Variants in LRRC4C observed in about 807,000 individuals in gnomAD.
LRRC4C encodes leucine-rich repeat-containing protein 4C.
A neutral mutation model predicts 33.6 loss-of-function variants in LRRC4C; 5 were observed. That is an observed-to-expected ratio of 0.15 (90% CI 0.08 to 0.31). The LOEUF (loss-of-function observed/expected upper bound fraction) is 0.31, where lower values mean the gene tolerates loss of function less well. Among genes scored for constraint, LRRC4C ranks in the 10% least tolerant of loss-of-function variants. The pLI, the probability that LRRC4C is intolerant of heterozygous loss-of-function variation, is 1.00. For synonymous variants in LRRC4C, 329 were observed against 302.0 expected (o/e 1.09, Z -0.93); for missense variants, 560 against 796.7 (o/e 0.70, Z 3.58).
At chr11:40,379,727 T>C (rs1317636081) in intron 3 of LRRC4C, among the ~76,000 whole-genome samples, 2 of 152,228 alleles carry the variant, frequency 1.3e-5, no homozygotes, top group African/African-American at 4.8e-5. Context: ...TTACAACAAC[T>C]TGTTCTGAAG....
intron 5 of LRRC4C, among the ~76,000 whole-genome samples, chr11:40,164,552 C>T (rs1859427535): frequency 6.6e-6 from 1 of 152,076 alleles, no homozygotes; most frequent in African/African-American, 2.4e-5. Context: ...CTGTCATTTG[C>T]AGCAACATAA....
rs1590469384 is a variant in LRRC4C, at chr11:41,080,099, C to A, written c.-495-146376G>T. ...CTTTCTGTTTTGTTTGTCCCACATA[C>A]AAAAACATTCCAGAAGTTAATTTTA... On this transcript the variant is annotated intron_variant, in intron 1 of 6. Coordinates refer to ENST00000528697, the MANE Select transcript of LRRC4C (RefSeq NM_001258419.2). Among the ~76,000 whole-genome samples, 3 of 152,104 alleles carry A rather than the reference C, an allele frequency of 2.0e-5. No homozygotes were observed. The South Asian group carries it at 6.2e-4, about 32-fold the overall frequency.
chr11:40,637,102 C>G (rs977217367), intron 3 of LRRC4C, among the ~76,000 whole-genome samples: 3 of 152,194 alleles, frequency 2.0e-5, no homozygotes, highest in African/African-American at 7.2e-5. Context: ...TTTAGTTTCT[C>G]TTCTAACTCT....
intron 1 of LRRC4C, among the ~76,000 whole-genome samples, chr11:41,120,505 G>A (rs201949073): frequency 6.6e-6 from 1 of 152,118 alleles, no homozygotes; most frequent in East Asian, 1.9e-4. Flanking sequence ...ATGGAGGATT[G>A]GAGGTTGGGG....
chr11:40,896,338 G>C (rs1955937766), intron 2 of LRRC4C, among the ~76,000 whole-genome samples: 1 of 152,060 alleles, frequency 6.6e-6, no homozygotes, highest in East Asian at 1.9e-4. Context: ...AACACACATG[G>C]CATTACCTTG....
chr11:40,139,301 A>G (rs1158495138), intron 6 of LRRC4C, among the ~76,000 whole-genome samples: 1 of 152,198 alleles, frequency 6.6e-6, no homozygotes, highest in African/African-American at 2.4e-5. Context: ...TTAAGTTAGG[A>G]GTGGAACACA....
At chr11:40,591,807 G>T (rs1481021948) in intron 3 of LRRC4C, among the ~76,000 whole-genome samples, 1 of 152,164 alleles carries the variant, frequency 6.6e-6, no homozygotes, top group Non-Finnish European at 1.5e-5. Flanking sequence ...CCTATATTAA[G>T]GAAAAACAGA....
chr11:40,975,969 A>G (rs866831700), intron 1 of LRRC4C, among the ~76,000 whole-genome samples: 7 of 152,210 alleles, frequency 4.6e-5, no homozygotes, highest in Non-Finnish European at 8.8e-5. Flanking sequence ...TTAGTTTCAA[A>G]AGGAAAAATA....
At chr11:41,267,756 A>C (rs1439307030) in intron 1 of LRRC4C, among the ~76,000 whole-genome samples, 1 of 152,060 alleles carries the variant, frequency 6.6e-6, no homozygotes, top group East Asian at 1.9e-4. Flanking sequence ...AAGTTGTTTA[A>C]TCACCTAAAT....
chr11:40,988,651 C>A (rs772106435), intron 1 of LRRC4C, among the ~76,000 whole-genome samples: 4 of 151,508 alleles, frequency 2.6e-5, no homozygotes, highest in Non-Finnish European at 2.9e-5. Context: ...AATGCCTACT[C>A]AGGATTCAAG....
chr11:40,816,301 G>C, intron 2 of LRRC4C, among the ~76,000 whole-genome samples: 1 of 152,028 alleles, frequency 6.6e-6, no homozygotes, highest in East Asian at 1.9e-4. Flanking sequence ...CAGATTGCTG[G>C]ATTTTACTCT....
At chr11:41,087,599 A>T (rs1441547562) in intron 1 of LRRC4C, among the ~76,000 whole-genome samples, 2 of 152,032 alleles carry the variant, frequency 1.3e-5, no homozygotes, top group Non-Finnish European at 2.9e-5. Flanking sequence ...AAGTAGCTGG[A>T]ACTACAGGTT....
chr11:41,270,531 G>A (rs752075668), intron 1 of LRRC4C, among the ~76,000 whole-genome samples: 4 of 152,214 alleles, frequency 2.6e-5, no homozygotes, highest in East Asian at 1.9e-4. Context: ...TGCTCTTGGG[G>A]TCTGCCTCTT....
intron 1 of LRRC4C, among the ~76,000 whole-genome samples, chr11:41,228,498 TTTGA>T (rs1332880635): frequency 6.6e-6 from 1 of 152,170 alleles, no homozygotes; most frequent in Non-Finnish European, 1.5e-5. Flanking sequence ...TTTCCATTCC[TTTGA>T]TTGCAATAGA....
At chr11:41,364,459 T>C (rs1184356755) in intron 1 of LRRC4C, among the ~76,000 whole-genome samples, 1 of 152,004 alleles carries the variant, frequency 6.6e-6, no homozygotes, top group Non-Finnish European at 1.5e-5. Context: ...TTATTTTTAG[T>C]AGGACGAGGT....
chr11:40,779,243 T>C (rs1265957410), intron 2 of LRRC4C, among the ~76,000 whole-genome samples: 1 of 152,174 alleles, frequency 6.6e-6, no homozygotes, highest in Non-Finnish European at 1.5e-5. Context: ...TTTGGCTTCA[T>C]CTACTGAGTT....
intron 3 of LRRC4C, among the ~76,000 whole-genome samples, chr11:40,628,496 A>AAAACAAAAC (rs1469525814): frequency 6.6e-6 from 1 of 151,444 alleles, no homozygotes; most frequent in Non-Finnish European, 1.5e-5. Flanking sequence ...AAAACAAAAC[A>AAAACAAAAC]AAACAAAACA....
chr11:40,550,311 C>A (rs1372766980), intron 3 of LRRC4C, among the ~76,000 whole-genome samples: 1 of 152,080 alleles, frequency 6.6e-6, no homozygotes, highest in Non-Finnish European at 1.5e-5. Context: ...TGGAGGTTTA[C>A]CAAGGTTTTA....
intron 1 of LRRC4C, among the ~76,000 whole-genome samples, chr11:41,175,901 C>G (rs1378166953): frequency 6.6e-6 from 1 of 152,172 alleles, no homozygotes; most frequent in Non-Finnish European, 1.5e-5. Flanking sequence ...CTTTCCTCTT[C>G]TCAGCCTAGC....
Sources: gnomAD v4.1 joint callset for allele counts (sites outside exome capture counted in the v4.1 genomes callset) on GRCh38, gnomAD v4.1.1 for gene constraint, MANE v1.5 for transcripts, NCBI Gene and HGNC (gene_info 2026-07-23, HGNC 2026-07-21) for gene names.